Variants in WDPCP observed in about 807,000 individuals in gnomAD.
WDPCP encodes the protein WD repeat-containing and planar cell polarity effector protein fritz homolog.
In WDPCP, 71 loss-of-function variants were observed where a neutral mutation model predicts 93.1. The ratio of observed to expected loss-of-function variants is 0.76; its 90% CI spans 0.63 to 0.93. The LOEUF is 0.93. WDPCP is among the 40% of genes least tolerant of loss of function. WDPCP has a pLI of 0.00. For synonymous variants in WDPCP, 315 were observed against 315.0 expected (o/e 1.00, Z 0.00); for missense variants, 844 against 887.4 (o/e 0.95, Z 0.62).
At chr2:63,565,992 C>T (rs1382942045) in intron 1 of WDPCP, among the ~76,000 whole-genome samples, 1 of 152,192 alleles carries the variant, frequency 6.6e-6, no homozygotes, top group Non-Finnish European at 1.5e-5. Context: ...TCTCCTAACT[C>T]ATCTATACTC....
At chr2:63,606,169 C>G in intron 3 of WDPCP, 1 of 784,776 alleles carries the variant, frequency 1.3e-6, no homozygotes, top group Non-Finnish European at 2.2e-6. Context: ...ATTGCTTGAG[C>G]CCAGGAGTTC....
chr2:63,606,904 TTC>T, intron 3 of WDPCP: 1 of 1,612,350 alleles, frequency 6.2e-7, no homozygotes, highest in Non-Finnish European at 8.5e-7. Flanking sequence ...TATTAATGAT[TTC>T]TCACGTGAGA....
At chr2:63,700,184 A>G (rs1342691703) in intron 2 of WDPCP, among the ~76,000 whole-genome samples, 1 of 149,264 alleles carries the variant, frequency 6.7e-6, no homozygotes, top group African/African-American at 2.5e-5. Flanking sequence ...TGAGAGGCTG[A>G]AGTGGGAGGA....
intron 1 of WDPCP, among the ~76,000 whole-genome samples, chr2:63,523,944 A>C (rs566727477): frequency 5.9e-5 from 9 of 152,254 alleles, no homozygotes; most frequent in Non-Finnish European, 7.4e-5. Context: ...ATGTATAAAA[A>C]TCAGTAGCAT....
At chr2:63,751,142 T>C (rs1669873610) in intron 2 of WDPCP, among the ~76,000 whole-genome samples, 1 of 152,194 alleles carries the variant, frequency 6.6e-6, no homozygotes, top group Admixed American at 6.5e-5. Context: ...TAAAAATGGA[T>C]ATAGGACTAT....
At chr2:63,444,617 T>C (rs1697724981) in intron 6 of WDPCP, among the ~76,000 whole-genome samples, 1 of 152,110 alleles carries the variant, frequency 6.6e-6, no homozygotes, top group Non-Finnish European at 1.5e-5. Context: ...GGGAGGATTC[T>C]GGTAGCTCAG....
intron 2 of WDPCP, among the ~76,000 whole-genome samples, chr2:63,768,491 T>C (rs1670180074): frequency 6.6e-6 from 1 of 152,056 alleles, no homozygotes; most frequent in African/African-American, 2.4e-5. Context: ...AATTGATGTC[T>C]TAAAAATATC....
At chr2:63,710,738 G>C (rs1669250024) in intron 2 of WDPCP, among the ~76,000 whole-genome samples, 1 of 152,222 alleles carries the variant, frequency 6.6e-6, no homozygotes, top group Non-Finnish European at 1.5e-5. Context: ...CTGAATGGTT[G>C]GGTGGAAGTA....
intron 1 of WDPCP, among the ~76,000 whole-genome samples, chr2:63,538,294 A>G (rs1704460002): frequency 6.6e-6 from 1 of 152,170 alleles, no homozygotes. Flanking sequence ...ACAGAACCCC[A>G]AATAAGATAT....
At chr2:63,189,665 C>G (rs1674892931) in intron 14 of WDPCP, among the ~76,000 whole-genome samples, 1 of 152,140 alleles carries the variant, frequency 6.6e-6, no homozygotes, top group African/African-American at 2.4e-5. Flanking sequence ...ACCTTGAGTC[C>G]TTTTCCCAAT....
At chr2:63,555,907 T>C (rs1706079893) in intron 1 of WDPCP, among the ~76,000 whole-genome samples, 1 of 151,576 alleles carries the variant, frequency 6.6e-6, no homozygotes, top group Non-Finnish European at 1.5e-5. Context: ...AAAGAATCAG[T>C]GAAAAAAATG....
chr2:63,765,332 G>A (rs1166770758), intron 2 of WDPCP, among the ~76,000 whole-genome samples: 1 of 152,128 alleles, frequency 6.6e-6, no homozygotes, highest in African/African-American at 2.4e-5. Context: ...GTTTTGAGGT[G>A]GGAGGAGCTG....
chr2:63,405,039 T>TAA (rs1694461078), intron 9 of WDPCP, among the ~76,000 whole-genome samples: 1 of 152,168 alleles, frequency 6.6e-6, no homozygotes, highest in South Asian at 2.1e-4. Flanking sequence ...CAGAATATCT[T>TAA]AAAAAGTTAA....
At chr2:63,749,085 T>G (rs1283811037) in intron 2 of WDPCP, among the ~76,000 whole-genome samples, 1 of 152,100 alleles carries the variant, frequency 6.6e-6, no homozygotes. Context: ...GGATATTTTC[T>G]TTTTAGACCT....
chr2:63,336,760 A>G (rs1688396708), intron 12 of WDPCP, among the ~76,000 whole-genome samples: 1 of 151,630 alleles, frequency 6.6e-6, no homozygotes, highest in Admixed American at 6.6e-5. Flanking sequence ...TAAAGTTACC[A>G]CCTTTACTAT....
At chr2:63,721,776 C>T (rs1467506371) in intron 2 of WDPCP, among the ~76,000 whole-genome samples, 1 of 147,040 alleles carries the variant, frequency 6.8e-6, no homozygotes, top group Admixed American at 6.8e-5. Context: ...TCCACGGTCT[C>T]CCTCTCATGC....
intron 2 of WDPCP, among the ~76,000 whole-genome samples, chr2:63,788,999 A>T (rs1338271804): frequency 6.6e-6 from 1 of 152,124 alleles, no homozygotes; most frequent in Non-Finnish European, 1.5e-5. Flanking sequence ...CTCCCACCTC[A>T]GCCTCCTGAG....
intron 9 of WDPCP, among the ~76,000 whole-genome samples, chr2:63,426,158 G>A (rs986681137): frequency 6.6e-6 from 1 of 152,178 alleles, no homozygotes; most frequent in African/African-American, 2.4e-5. Context: ...GGCCAATATG[G>A]TGAAACCCCA....
chr2:63,330,858 T>A (rs1361244503), intron 12 of WDPCP, among the ~76,000 whole-genome samples: 1 of 149,038 alleles, frequency 6.7e-6, no homozygotes, highest in East Asian at 2.0e-4. Context: ...TGTTCACTGT[T>A]CCCCAAGGCT....
Sources: gnomAD v4.1 joint callset for allele counts (sites outside exome capture counted in the v4.1 genomes callset) on GRCh38, gnomAD v4.1.1 for gene constraint, MANE v1.5 for transcripts, NCBI Gene and HGNC (gene_info 2026-07-23, HGNC 2026-07-21) for gene names.